MBOAT1: variants seen among roughly 807,000 people sequenced by gnomAD.
MBOAT1 encodes membrane bound glycerophospholipid O-acyltransferase 1, also known as membrane-bound glycerophospholipid O-acyltransferase 1.
MBOAT1 carries 67 observed loss-of-function variants against 64.4 expected under a neutral mutation model. That is an observed-to-expected ratio of 1.04 (90% CI 0.85 to 1.27). The LOEUF (loss-of-function observed/expected upper bound fraction) is 1.27. Among genes scored for constraint, MBOAT1 ranks in the 50% most tolerant of loss-of-function variants. The pLI, the probability that MBOAT1 is intolerant of heterozygous loss-of-function variation, is 0.00. For synonymous variants in MBOAT1, 229 were observed against 218.9 expected (o/e 1.05, Z -0.41); for missense variants, 563 against 604.6 (o/e 0.93, Z 0.72).
chr6:20,200,651 C>T lies in MBOAT1; in HGVS notation c.99+11485G>A, dbSNP rs147536684. On this transcript the variant is annotated intron_variant, in intron 1 of 12. Coordinates refer to ENST00000324607, the MANE Select transcript of MBOAT1 (RefSeq NM_001080480.3). ...CTTCGGCCTCCCCCAGCTCATTGCT[C>T]TTCCCCTCATGGGTCCCACTGTAAG... Among the ~76,000 whole-genome samples the T allele has an allele frequency of 7.9e-5, 12 of 152,260 alleles. No homozygotes were observed. The East Asian group carries it at 2.3e-3, about 29-fold the overall frequency.
chr6:20,168,623 GAAGAGAAGAGAAGAGAA>G (rs1407549375), intron 1 of MBOAT1, among the ~76,000 whole-genome samples: 1 of 129,288 alleles, frequency 7.7e-6, no homozygotes, highest in Non-Finnish European at 1.7e-5. Flanking sequence ...GAAGAGAAGA[GAAGAGAAGAGAAGAGAA>G]GAGAGGAGAG....
chr6:20,127,214 A>G (rs1035389156), intron 6 of MBOAT1, among the ~76,000 whole-genome samples: 4 of 152,242 alleles, frequency 2.6e-5, no homozygotes, highest in African/African-American at 9.6e-5. Flanking sequence ...TTTGGCAACC[A>G]GGCCTGAGTT....
intron 3 of MBOAT1, among the ~76,000 whole-genome samples, chr6:20,150,562 C>CTT (rs537125848): frequency 0.014 from 1,876 of 134,832 alleles, 52 homozygotes; most frequent in African/African-American, 0.048. Flanking sequence ...TTTCTTTTTC[C>CTT]TTTTTTTTTT....
chr6:20,192,946 C>G (rs1762843930), intron 1 of MBOAT1, among the ~76,000 whole-genome samples: 1 of 150,102 alleles, frequency 6.7e-6, no homozygotes, highest in African/African-American at 2.4e-5. Flanking sequence ...ATTACACAAC[C>G]TGGATCTGAA....
At chr6:20,171,736 T>A (rs1010676049) in intron 1 of MBOAT1, among the ~76,000 whole-genome samples, 1 of 151,844 alleles carries the variant, frequency 6.6e-6, no homozygotes, top group Non-Finnish European at 1.5e-5. Context: ...TTTACATCCT[T>A]ATAGAAGAAA....
At chr6:20,193,091 C>T (rs954807679) in intron 1 of MBOAT1, among the ~76,000 whole-genome samples, 12 of 143,100 alleles carry the variant, frequency 8.4e-5, no homozygotes, top group South Asian at 2.3e-4. Context: ...CTGCAAGCTC[C>T]GTCTCCCGGG....
intron 1 of MBOAT1, among the ~76,000 whole-genome samples, chr6:20,209,360 T>C (rs1229638670): frequency 6.6e-6 from 1 of 152,200 alleles, no homozygotes; most frequent in Admixed American, 6.5e-5. Context: ...AACCATAGAC[T>C]TTTCCTGAGT....
chr6:20,137,037 C>A (rs1450462227), intron 4 of MBOAT1, among the ~76,000 whole-genome samples: 2 of 152,118 alleles, frequency 1.3e-5, no homozygotes, highest in African/African-American at 4.8e-5. Flanking sequence ...TCTGGTTTAT[C>A]ACCATTATTG....
chr6:20,173,683 G>A (rs1762263627), intron 1 of MBOAT1, among the ~76,000 whole-genome samples: 1 of 152,192 alleles, frequency 6.6e-6, no homozygotes, highest in Non-Finnish European at 1.5e-5. Flanking sequence ...AGGCATGGTG[G>A]CTCACTCCTG....
chr6:20,182,758 C>A lies in MBOAT1; in HGVS notation c.99+29378G>T, dbSNP rs542253460. On this transcript the variant is annotated intron_variant, in intron 1 of 12. Coordinates refer to ENST00000324607, the MANE Select transcript of MBOAT1 (RefSeq NM_001080480.3). The stretch of plus-strand genomic sequence containing the variant: ...ATCAGAACCATTCAGGTTGCAGGAG[C>A]TCCTCCCTTAACTCAGGTCCATATC... Among the ~76,000 whole-genome samples, 12 of 152,292 alleles carry A rather than the reference C, an allele frequency of 7.9e-5. No homozygotes were observed. The East Asian group carries it at 2.1e-3, about 27-fold the overall frequency.
At position 20,131,159 on chromosome 6, in the gene MBOAT1, A is replaced by AT. The variant is rs771265200; in HGVS notation, c.459dup (p.Phe154IlefsTer5). ...CTGTTCTTACCATCATGAACCTGGA[A>AT]TGCCAAGGTTGTGATCTTCTGAGTG... On this transcript the variant is annotated frameshift_variant, in exon 5 of 13. Transcript: ENST00000324607. LOFTEE classifies it high-confidence loss of function. 2 of 1,613,790 alleles carry AT rather than the reference A, an allele frequency of 1.2e-6. No homozygotes were observed. Among genetic ancestry groups the AT allele is most frequent in the Non-Finnish European group, 1.7e-6 (2 of 1,179,798 alleles).
chr6:20,129,267 A>T (rs1473528016), intron 5 of MBOAT1, among the ~76,000 whole-genome samples: 1 of 152,232 alleles, frequency 6.6e-6, no homozygotes, highest in Admixed American at 6.5e-5. Context: ...AAATGGGGGA[A>T]ATGTAATCTT....
intron 1 of MBOAT1, among the ~76,000 whole-genome samples, chr6:20,168,755 AAGGG>A (rs767556864): frequency 1.1e-5 from 1 of 92,946 alleles, no homozygotes; most frequent in African/African-American, 4.3e-5. Flanking sequence ...GGGAGGAAGG[AAGGG>A]AGGGAGGGGA....
Position 20,151,186 on chromosome 6 carries a change from T to C in MBOAT1, c.322A>G (p.Arg108Gly). The stretch of plus-strand genomic sequence containing the variant: ...CATTGTTCATTCCCAGTATCTTACC[T>C]GTGAATATTGGATACACTAGCAGTG... ...MVTASVSNIH[R>G]YSFFVAMGYL... Residue 108 changes from arginine (R) to glycine (G), a missense_variant and splice_region_variant, in exon 3 of 13, where the codon AGA (arginine) becomes GGA (glycine). Transcript: ENST00000324607. 6.2e-7 allele frequency: 1 copy of C among 1,606,400 alleles called. No homozygotes were observed. Among genetic ancestry groups the C allele is most frequent in the Non-Finnish European group, 8.5e-7 (1 of 1,174,070 alleles).
intron 1 of MBOAT1, among the ~76,000 whole-genome samples, chr6:20,175,438 T>C (rs964137363): frequency 4.6e-5 from 7 of 150,668 alleles, no homozygotes; most frequent in African/African-American, 7.4e-5. Context: ...CTTTAATTGT[T>C]TTATTTATTT....
At chr6:20,198,791 A>G (rs1763037143) in intron 1 of MBOAT1, among the ~76,000 whole-genome samples, 1 of 152,208 alleles carries the variant, frequency 6.6e-6, no homozygotes, top group African/African-American at 2.4e-5. Flanking sequence ...TTTATAGCCC[A>G]CTAGCTTCCT....
At chr6:20,145,050 T>C (rs1272001670) in intron 3 of MBOAT1, among the ~76,000 whole-genome samples, 1 of 152,152 alleles carries the variant, frequency 6.6e-6, no homozygotes, top group African/African-American at 2.4e-5. Context: ...ACTTGTCAAA[T>C]GTGTAATTAT....
Position 20,151,179 on chromosome 6 carries a change from T to C in MBOAT1, c.323+6A>G, listed in dbSNP as rs767542711. 2 of 1,594,210 alleles carry C rather than the reference T, an allele frequency of 1.3e-6. No homozygotes were observed. Among genetic ancestry groups the C allele is most frequent in the South Asian group, 1.1e-5 (1 of 90,100 alleles). ...CACCTTGCATTGTTCATTCCCAGTATCTTACCTGTGAATATTGGATACACT... is the reference window on the plus strand; with the variant it reads ...CACCTTGCATTGTTCATTCCCAGTACCTTACCTGTGAATATTGGATACACT... On this transcript the variant is annotated splice_donor_region_variant and intron_variant, in intron 3 of 12. Transcript: ENST00000324607.
chr6:20,131,119 C>G (rs769854334), intron 5 of MBOAT1, 25 bp downstream of exon 5: 3 of 1,608,168 alleles, frequency 1.9e-6, no homozygotes, highest in African/African-American at 1.3e-5. Context: ...ACTCTGAGAA[C>G]CAAAAGGAGG....
Sources: allele counts gnomAD v4.1 joint callset (sites outside exome capture counted in the v4.1 genomes callset), GRCh38; gene constraint gnomAD v4.1.1; transcripts MANE v1.5; gene names NCBI Gene and HGNC (gene_info 2026-07-23, HGNC 2026-07-21).